Variants in NDC80 observed in about 807,000 individuals in gnomAD.
The protein encoded by NDC80 is NDC80 kinetochore complex component.
In NDC80, 69 loss-of-function variants were observed where a neutral mutation model predicts 89.3. The ratio of observed to expected loss-of-function variants is 0.77; its 90% CI spans 0.64 to 0.94. NDC80 has a LOEUF of 0.94. NDC80 is among the 40% of genes least tolerant of loss of function. NDC80 has a pLI of 0.00. For missense variants in NDC80, 593 were observed against 739.6 expected, an observed-to-expected ratio of 0.80 and a Z score of 2.30; for synonymous variants, 243 against 255.6, an observed-to-expected ratio of 0.95 and a Z score of 0.47.
intron 16 of NDC80, among the ~76,000 whole-genome samples, chr18:2,614,706 T>TA (rs955372114): frequency 6.6e-6 from 1 of 151,836 alleles, no homozygotes; most frequent in Non-Finnish European, 1.5e-5. Flanking sequence ...ATATTTGCCC[T>TA]AAAAAAAATA....
intron 16 of NDC80, 105 bp downstream of exon 16, chr18:2,610,966 T>A: frequency 1.3e-6 from 1 of 750,868 alleles, no homozygotes; most frequent in Non-Finnish European, 1.9e-6. Flanking sequence ...TATTTCTATT[T>A]AAAGTATGAT....
At chr18:2,605,316 GTGTGTGTGTGTGTA>G (rs1598245001) in intron 13 of NDC80, among the ~76,000 whole-genome samples, 14 of 144,642 alleles carry the variant, frequency 9.7e-5, no homozygotes, top group South Asian at 2.1e-4. Flanking sequence ...GTGTGTGTGT[GTGTGTGTGTGTGTA>G]TGTACACAAT....
At chr18:2,592,143 G>A (rs2072630861) in intron 10 of NDC80, among the ~76,000 whole-genome samples, 1 of 152,124 alleles carries the variant, frequency 6.6e-6, no homozygotes, top group Non-Finnish European at 1.5e-5. Context: ...GTTCTTGTGA[G>A]AACTTTTTCT....
chr18:2,607,168 G>A (rs1006130512), intron 14 of NDC80, among the ~76,000 whole-genome samples: 1 of 151,936 alleles, frequency 6.6e-6, no homozygotes, highest in African/African-American at 2.4e-5. Flanking sequence ...TTTCTTAAAC[G>A]GTGTGAAATG....
chr18:2,596,090 C>T (rs981083117), intron 11 of NDC80, among the ~76,000 whole-genome samples: 1 of 152,112 alleles, frequency 6.6e-6, no homozygotes, highest in African/African-American at 2.4e-5. Flanking sequence ...GTTTGGTGTA[C>T]AGGGTACTGA....
At chr18:2,608,061 C>T (rs1008710470) in intron 14 of NDC80, among the ~76,000 whole-genome samples, 1 of 141,820 alleles carries the variant, frequency 7.1e-6, no homozygotes, top group Non-Finnish European at 1.5e-5. Context: ...AATAATGTTG[C>T]TGTGAATATC....
At chr18:2,587,177 C>T (rs545365252) in intron 7 of NDC80, among the ~76,000 whole-genome samples, 1 of 152,314 alleles carries the variant, frequency 6.6e-6, no homozygotes, top group East Asian at 1.9e-4. Flanking sequence ...ATATTTACTT[C>T]ATCTAAGGTA....
At chr18:2,608,622 T>C in intron 14 of NDC80, 78 bp from the exon 15 acceptor site, 1 of 1,405,934 alleles carries the variant, frequency 7.1e-7, no homozygotes, top group East Asian at 2.4e-5. Context: ...AAGTGCTTTT[T>C]ATAATTGTTT....
At chr18:2,603,635 A>G (rs961532154) in intron 13 of NDC80, among the ~76,000 whole-genome samples, 6 of 152,012 alleles carry the variant, frequency 3.9e-5, no homozygotes, top group African/African-American at 1.4e-4. Context: ...GCAGGAAAAT[A>G]TAAAATGAGA....
Position 2,575,042 on chromosome 18 carries a change from G to A in NDC80, c.155G>A (p.Arg52Lys), listed in dbSNP as rs1184417402. The change falls in exon 3 of 17, where the codon AGA becomes AAA. Residue 52 changes from arginine to lysine, a missense_variant. Arg to Lys is a conservative substitution (Grantham distance 26, BLOSUM62 2). Coordinates refer to ENST00000261597, the MANE Select transcript of NDC80 (RefSeq NM_006101.3). ...AGTATAAACAAACCGACATCTGAAAGAAAAGTCTCGCTATTTGGCAAAAGG... is the reference window on the plus strand; with the variant it reads ...AGTATAAACAAACCGACATCTGAAAAAAAAGTCTCGCTATTTGGCAAAAGG... ...KLSINKPTSE[R>K]KVSLFGKRTS... The A allele has an allele frequency of 6.2e-7, 1 of 1,611,778 alleles. No individual in the cohort carries two copies.
At chr18:2,595,693 G>C in intron 11 of NDC80, 72 bp downstream of exon 11, 1 of 1,304,578 alleles carries the variant, frequency 7.7e-7, no homozygotes, top group Non-Finnish European at 1.1e-6. Flanking sequence ...CAATTAAGAA[G>C]AAGTCAGTGG....
chr18:2,613,877 AAAAT>A (rs1183495679), intron 16 of NDC80, among the ~76,000 whole-genome samples: 1 of 152,206 alleles, frequency 6.6e-6, no homozygotes, highest in Non-Finnish European at 1.5e-5. Context: ...TGGCCTTTGA[AAAAT>A]AAATAAATGG....
chr18:2,593,609 T>G (rs547428517), intron 10 of NDC80: 110 of 160,078 alleles, frequency 6.9e-4, no homozygotes, highest in Non-Finnish European at 3.1e-4. Context: ...TAACTTTTTT[T>G]GTAAATCATA....
chr18:2,601,376 C>T lies in NDC80; in HGVS notation c.1375-20C>T. ...GTAATTAAATGTTATATGTCACCCA[C>T]ATTCCTATGTATTTTATAGGTACCT... On this transcript the variant is annotated intron_variant, in intron 12 of 16. Transcript: ENST00000261597. The T allele has an allele frequency of 8.2e-7, 1 of 1,221,618 alleles. No homozygotes were observed. The highest frequency in any genetic ancestry group is 1.1e-6 in the Non-Finnish European group (1 of 871,606). 75.7% of individuals were successfully genotyped at this position (1,221,618 alleles called of 1,614,324 possible).
rs1348098771 is a variant in NDC80 at position 2,599,019 on chromosome 18, A to G, written c.1222A>G (p.Ile408Val). The change falls in exon 12 of 17, where the codon ATT becomes GTT. Residue 408 changes from isoleucine to valine, a missense_variant and splice_region_variant. Physicochemically the swap from Ile to Val is conservative, Grantham distance 29 (BLOSUM62 3). Transcript: ENST00000261597. ...ELKYARGKEA[I>V]ETQLAEYHKL... is the part of the protein sequence containing the mutation. ...TGTCTTATGTGTTCTGTTCTTACAG[A>G]TTGAAACACAATTAGCAGAGTATCA... The G allele has an allele frequency of 6.2e-7, 1 of 1,603,696 alleles. No homozygotes were observed. The highest frequency in any genetic ancestry group is 8.5e-7 in the Non-Finnish European group (1 of 1,175,664).
At chr18:2,610,977 C>A in intron 16 of NDC80, 116 bp downstream of exon 16, 1 of 620,824 alleles carries the variant, frequency 1.6e-6, no homozygotes, top group East Asian at 3.8e-5. Flanking sequence ...AAAGTATGAT[C>A]TGGCAAAAAT....
In NDC80 at chr18:2,599,087, G is replaced by A. The variant is rs757148024; in HGVS notation, c.1290G>A (p.Glu430=). 1.9e-6 allele frequency: 3 copies of A among 1,613,028 alleles called. No homozygotes were observed. The highest frequency in any genetic ancestry group is 1.7e-6 in the Non-Finnish European group (2 of 1,179,480). Residue 430 remains glutamate (E), a synonymous_variant, in exon 12 of 17, where the codon GAG becomes GAA. Coordinates refer to ENST00000261597, the MANE Select transcript of NDC80 (RefSeq NM_006101.3). ...RKLKLIPKGA[E]NSKGYDFEIK... Reference sequence around the variant, plus strand: ...TAAAACTTATTCCTAAAGGTGCTGAGAATTCCAAAGGTTATGACTTTGAAA... The same window carrying A: ...TAAAACTTATTCCTAAAGGTGCTGAAAATTCCAAAGGTTATGACTTTGAAA...
intron 3 of NDC80, among the ~76,000 whole-genome samples, chr18:2,576,362 G>A (rs187487114): frequency 6.6e-4 from 101 of 152,280 alleles, no homozygotes; most frequent in African/African-American, 2.1e-3. Flanking sequence ...TCAGTAAGAA[G>A]AGTGACATTG....
At chr18:2,589,936 T>A in intron 9 of NDC80, 82 bp from the exon 10 acceptor site, 1 of 982,502 alleles carries the variant, frequency 1.0e-6, no homozygotes, top group Non-Finnish European at 1.4e-6. Flanking sequence ...CTAAAATAAA[T>A]TTAAATAATA....
Sources: allele counts gnomAD v4.1 joint callset (sites outside exome capture counted in the v4.1 genomes callset), GRCh38; gene constraint gnomAD v4.1.1; transcripts MANE v1.5; gene names NCBI Gene and HGNC (gene_info 2026-07-23, HGNC 2026-07-21).